HIVEP3: variants seen among roughly 807,000 people sequenced by gnomAD.
HIVEP3 encodes the protein HIVEP zinc finger 3.
HIVEP3 carries 49 observed loss-of-function variants against 152.8 expected under a neutral mutation model. The ratio of observed to expected loss-of-function variants is 0.32; its 90% CI spans 0.26 to 0.41. The LOEUF is 0.41. HIVEP3 is among the 10% of genes least tolerant of loss of function. The pLI, the probability that HIVEP3 is intolerant of heterozygous loss-of-function variation, is 1.00. For missense variants in HIVEP3, 2,790 were observed against 3,103.3 expected (o/e 0.90, Z 2.40); for synonymous variants, 1,269 against 1,289.0 (o/e 0.98, Z 0.33).
rs1267139848 is a variant in HIVEP3, at chr1:41,683,164, C to G, written c.-721+17752G>C. 3.3e-5 allele frequency among the ~76,000 whole-genome samples: 5 copies of G among 152,210 alleles called. No homozygotes were observed. The East Asian group carries it at 9.6e-4, about 29-fold the overall frequency. ...TGAAGCCCCCAAAACAGAAGGGAAC[C>G]TGCACTTTAAGGCTGAAGCAGTGGG... On this transcript the variant is annotated intron_variant, in intron 2 of 8. Coordinates refer to ENST00000372583, the MANE Select transcript of HIVEP3 (RefSeq NM_024503.5).
chr1:41,591,556 C>T lies in HIVEP3; in HGVS notation c.-521-6238G>A, dbSNP rs535456043. ...AGAACTGATAATCATGGATGAAAAT[C>T]ATCACGATCCTGGCACACAGCTTTC... On this transcript the variant is annotated intron_variant, in intron 3 of 8. Coordinates refer to ENST00000372583, the MANE Select transcript of HIVEP3 (RefSeq NM_024503.5). Among the ~76,000 whole-genome samples, 3 of 152,148 alleles carry T rather than the reference C, an allele frequency of 2.0e-5. No homozygotes were observed. The East Asian group carries it at 5.8e-4, about 29-fold the overall frequency.
chr1:41,747,598 T>A (rs1350213778), intron 1 of HIVEP3, among the ~76,000 whole-genome samples: 1 of 152,256 alleles, frequency 6.6e-6, no homozygotes, highest in Non-Finnish European at 1.5e-5. Flanking sequence ...TAGACCTTTT[T>A]CTAGACACAT....
intron 1 of HIVEP3, among the ~76,000 whole-genome samples, chr1:41,887,211 A>G (rs145038636): frequency 2.6e-5 from 4 of 151,070 alleles, no homozygotes; most frequent in Admixed American, 1.3e-4. Context: ...GGAAAAAAGT[A>G]TTATGGAGGT....
rs528083172 is a variant in HIVEP3, at chr1:41,682,806, T to C, written c.-721+18110A>G. Among the ~76,000 whole-genome samples the C allele has an allele frequency of 1.1e-3, 172 of 152,132 alleles. 1 individual carries two copies. Among genetic ancestry groups the C allele is most frequent in the African/African-American group, 3.9e-3 (161 of 41,502 alleles). The stretch of plus-strand genomic sequence containing the variant: ...GGGGACTCATTTCTATTCCTTCCAA[T>C]AGACACCTTCCAGGCCCTGGGCTTG... On this transcript the variant is annotated intron_variant, in intron 2 of 8. Transcript: ENST00000372583.
At chr1:41,731,891 T>C (rs1646844762) in intron 1 of HIVEP3, among the ~76,000 whole-genome samples, 1 of 152,248 alleles carries the variant, frequency 6.6e-6, no homozygotes, top group South Asian at 2.1e-4. Flanking sequence ...TGGGGTAATT[T>C]ACCACATGCA....
intron 1 of HIVEP3, among the ~76,000 whole-genome samples, chr1:41,940,193 C>T (rs1281983272): frequency 2.0e-5 from 3 of 152,178 alleles, no homozygotes; most frequent in Non-Finnish European, 4.4e-5. Flanking sequence ...CATATTTCTA[C>T]TTCTAATGAA....
chr1:41,575,307 C>G (rs530174129), intron 5 of HIVEP3, among the ~76,000 whole-genome samples: 1 of 152,210 alleles, frequency 6.6e-6, no homozygotes, highest in African/African-American at 2.4e-5. Flanking sequence ...CCAGACCTCT[C>G]CAGATCCTCA....
intron 2 of HIVEP3, among the ~76,000 whole-genome samples, chr1:41,667,520 T>C (rs754152846): frequency 1.3e-5 from 2 of 152,234 alleles, no homozygotes; most frequent in Non-Finnish European, 2.9e-5. Flanking sequence ...CACACTCCCC[T>C]GGCAGCTGTG....
At chr1:41,960,225 T>C (rs527674512) in intron 1 of HIVEP3, among the ~76,000 whole-genome samples, 4 of 152,290 alleles carry the variant, frequency 2.6e-5, no homozygotes, top group African/African-American at 9.6e-5. Flanking sequence ...AGGAAGATGA[T>C]GAGTATTAGT....
intron 3 of HIVEP3, among the ~76,000 whole-genome samples, chr1:41,609,707 C>T (rs1302319035): frequency 6.6e-6 from 1 of 152,256 alleles, no homozygotes; most frequent in Non-Finnish European, 1.5e-5. Context: ...TGTGTTCCAG[C>T]CACATGGAGC....
intron 1 of HIVEP3, among the ~76,000 whole-genome samples, chr1:41,824,784 TAG>T (rs397979993): frequency 2.2e-3 from 25 of 11,380 alleles, no homozygotes; most frequent in South Asian, 5.2e-3. Flanking sequence ...TATATATATA[TAG>T]AGAGAGAGAG....
intron 1 of HIVEP3, among the ~76,000 whole-genome samples, chr1:41,773,189 T>C (rs753206732): frequency 6.6e-6 from 1 of 152,190 alleles, no homozygotes; most frequent in South Asian, 2.1e-4. Flanking sequence ...CTTTGGAAGG[T>C]GTGGACTATT....
intron 1 of HIVEP3, among the ~76,000 whole-genome samples, chr1:41,978,114 T>C (rs749001117): frequency 1.3e-5 from 2 of 152,232 alleles, no homozygotes; most frequent in Non-Finnish European, 2.9e-5. Context: ...GTCTAAATTA[T>C]AGAATGTATT....
At chr1:41,949,927 A>G (rs1363451177) in intron 1 of HIVEP3, among the ~76,000 whole-genome samples, 1 of 152,110 alleles carries the variant, frequency 6.6e-6, no homozygotes, top group Non-Finnish European at 1.5e-5. Context: ...GTTCAGCAGG[A>G]AGCAGTTAGA....
chr1:41,625,040 G>A (rs1188989888), intron 3 of HIVEP3, among the ~76,000 whole-genome samples: 1 of 151,984 alleles, frequency 6.6e-6, no homozygotes, highest in Non-Finnish European at 1.5e-5. Context: ...GCATGCGCCT[G>A]TAAGCCCAGC....
intron 2 of HIVEP3, among the ~76,000 whole-genome samples, chr1:41,659,875 G>A (rs2124041889): frequency 6.6e-6 from 1 of 152,352 alleles, no homozygotes; most frequent in South Asian, 2.1e-4. Flanking sequence ...CACCAGCTCT[G>A]GGGACACGGG....
chr1:41,771,323 C>T lies in HIVEP3; in HGVS notation c.-800-70328G>A, dbSNP rs148800994. ...AAAATTAATTTACTAAAAAATAATC[C>T]TCTGGTCACTTGTACCTGTAAAACA... On this transcript the variant is annotated intron_variant, in intron 1 of 8. Coordinates refer to ENST00000372583, the MANE Select transcript of HIVEP3 (RefSeq NM_024503.5). Among the ~76,000 whole-genome samples, 1,110 of 151,966 alleles carry T rather than the reference C, an allele frequency of 7.3e-3. 6 individuals are homozygous for T. The highest frequency in any genetic ancestry group is 0.023 in the African/African-American group (970 of 41,406).
intron 1 of HIVEP3, among the ~76,000 whole-genome samples, chr1:41,904,149 G>A (rs549850960): frequency 2.2e-4 from 34 of 151,974 alleles, no homozygotes; most frequent in African/African-American, 7.2e-4. Context: ...TGCCTACCTC[G>A]GCCTCCCAAA....
At chr1:41,769,756 G>T (rs1443338083) in intron 1 of HIVEP3, among the ~76,000 whole-genome samples, 2 of 152,096 alleles carry the variant, frequency 1.3e-5, no homozygotes, top group Non-Finnish European at 2.9e-5. Context: ...ATGACTCAAA[G>T]AATAAAAATC....
Sources: gnomAD v4.1 joint callset for allele counts (sites outside exome capture counted in the v4.1 genomes callset) on GRCh38, gnomAD v4.1.1 for gene constraint, MANE v1.5 for transcripts, NCBI Gene and HGNC (gene_info 2026-07-23, HGNC 2026-07-21) for gene names.